DSE: variants seen among roughly 807,000 people sequenced by gnomAD.
DSE encodes the protein dermatan sulfate epimerase, also known as dermatan-sulfate epimerase.
DSE carries 36 observed loss-of-function variants against 84.4 expected under a neutral mutation model. That is an observed-to-expected ratio of 0.43 (90% CI 0.33 to 0.56). DSE has a LOEUF of 0.56. Ranked by LOEUF, DSE falls within the 20% of genes least tolerant of loss-of-function variation. DSE has a pLI of 0.06. For synonymous variants in DSE, 410 were observed against 430.1 expected (o/e 0.95, Z 0.58); for missense variants, 862 against 1,169.6 (o/e 0.74, Z 3.84).
chr6:116,335,468 C>A (rs566371211), intron 2 of DSE, among the ~76,000 whole-genome samples: 235 of 152,276 alleles, frequency 1.5e-3, no homozygotes, highest in Middle Eastern at 3.4e-3. Flanking sequence ...GTACAACAAA[C>A]CCCCATGACA....
At position 116,259,311 on chromosome 6, in the gene DSE, C is replaced by T. The variant is rs1582902080; in HGVS notation, c.-54+344C>T. ...ATGATAAATTAGTTAAATGGTTATA[C>T]CTGTAGACTTACCAGTGTATGAAAC... On this transcript the variant is annotated intron_variant, in intron 2 of 3. Coordinates refer to the DSE transcript ENST00000430252. 3 of 500,666 alleles carry T rather than the reference C, an allele frequency of 6.0e-6. No individual in the cohort carries two copies. The South Asian group carries it at 6.7e-5, about 11-fold the overall frequency. The allele number at this position is 500,666 out of a possible 1,614,324, so 31.0% of individuals were successfully genotyped here.
At chr6:116,317,013 A>G (rs1413182088) in intron 2 of DSE, among the ~76,000 whole-genome samples, 1 of 152,136 alleles carries the variant, frequency 6.6e-6, no homozygotes, top group African/African-American at 2.4e-5. Context: ...GTGAGAAAAA[A>G]AATGTGAAGG....
chr6:116,436,901 G>A lies in DSE; in HGVS notation c.2433G>A (p.Arg811=), dbSNP rs766690715. ...AAAGCAAGTCAAAGAAAAACCGAAG[G>A]GCAGGCAAACGCTATAAATTTGTGG... ...QQQSKSKKNR[R]AGKRYKFVDA... is the part of the protein sequence containing the mutation. Residue 811 remains arginine, a synonymous_variant, in exon 6 of 6, where the codon AGG becomes AGA. Transcript: ENST00000644252. 1 of 1,614,024 alleles carries A rather than the reference G, an allele frequency of 6.2e-7. No individual in the cohort carries two copies. Among genetic ancestry groups the A allele is most frequent in the African/African-American group, 1.3e-5 (1 of 74,992 alleles).
intron 2 of DSE, among the ~76,000 whole-genome samples, chr6:116,329,654 A>G (rs1776821765): frequency 6.6e-6 from 1 of 152,230 alleles, no homozygotes; most frequent in Middle Eastern, 3.2e-3. Context: ...ATGTTCTTCA[A>G]TCAACTATGA....
intron 2 of DSE, among the ~76,000 whole-genome samples, chr6:116,348,754 A>T (rs1349626031): frequency 6.6e-6 from 1 of 152,262 alleles, no homozygotes; most frequent in Non-Finnish European, 1.5e-5. Flanking sequence ...GACTGGATTA[A>T]GAACATGTGG....
intron 2 of DSE, among the ~76,000 whole-genome samples, chr6:116,409,453 ATT>A (rs34479513): frequency 3.3e-5 from 5 of 151,692 alleles, no homozygotes; most frequent in East Asian, 1.9e-4. Context: ...AATTTTTTGT[ATT>A]TTTTTAGTAG....
intron 2 of DSE, among the ~76,000 whole-genome samples, chr6:116,346,243 G>C (rs1777958611): frequency 6.6e-6 from 1 of 152,200 alleles, no homozygotes; most frequent in African/African-American, 2.4e-5. Flanking sequence ...AATAGAAAAA[G>C]TGGGAGTCCT....
intron 2 of DSE, among the ~76,000 whole-genome samples, chr6:116,312,526 G>A (rs1775750045): frequency 6.6e-6 from 1 of 152,078 alleles, no homozygotes; most frequent in South Asian, 2.1e-4. Flanking sequence ...AAGAGGTCCA[G>A]GTATAGGAGG....
intron 2 of DSE, 89 bp downstream of exon 2, chr6:116,399,755 G>A (rs1781483561): frequency 2.3e-6 from 3 of 1,284,842 alleles, no homozygotes; most frequent in Non-Finnish European, 3.2e-6. Flanking sequence ...AGATCTTCAT[G>A]TACCTCTTTG....
intron 2 of DSE, among the ~76,000 whole-genome samples, chr6:116,326,787 G>C (rs1406523651): frequency 6.6e-6 from 1 of 152,224 alleles, no homozygotes; most frequent in Non-Finnish European, 1.5e-5. Context: ...AGGTGAAATA[G>C]TATGTAAGGG....
intron 2 of DSE, among the ~76,000 whole-genome samples, chr6:116,409,472 G>T (rs886833650): frequency 2.6e-5 from 4 of 151,972 alleles, no homozygotes; most frequent in Non-Finnish European, 5.9e-5. Context: ...GTAGAGACGG[G>T]GTTTCACCAT....
intron 2 of DSE, among the ~76,000 whole-genome samples, chr6:116,273,834 G>GTTTTTTTTTTTTTTTTTTTTTTTTT (rs35845513): frequency 7.3e-6 from 1 of 136,944 alleles, no homozygotes. Flanking sequence ...ATGTTTTTTT[G>GTTTTTTTTTTTTTTTTTTTTTTTTT]TTTTTTTTTT....
rs905843015 is a variant in DSE, at chr6:116,333,173, G to A, written c.-53-66025G>A. On this transcript the variant is annotated intron_variant, in intron 2 of 3. Coordinates refer to the DSE transcript ENST00000430252. ...ATAAATTCATGCATCCCAGTGGAAA[G>A]CACTGACCTATTTTTTGTCTTGTCT... Among the ~76,000 whole-genome samples the A allele has an allele frequency of 2.0e-4, 31 of 152,294 alleles. 1 individual carries two copies. The highest frequency in any genetic ancestry group is 6.5e-4 in the African/African-American group (27 of 41,562).
At chr6:116,434,783 T>G (rs1052063881) in intron 5 of DSE, among the ~76,000 whole-genome samples, 1 of 152,194 alleles carries the variant, frequency 6.6e-6, no homozygotes, top group Non-Finnish European at 1.5e-5. Flanking sequence ...GAACAACAGA[T>G]GAAACAGTCA....
intron 1 of DSE, among the ~76,000 whole-genome samples, chr6:116,395,650 G>A (rs1012581573): frequency 6.6e-6 from 1 of 152,050 alleles, no homozygotes; most frequent in Non-Finnish European, 1.5e-5. Flanking sequence ...GTTTGATGTG[G>A]TATAGTTTTT....
At chr6:116,396,046 T>C (rs1267517354) in intron 1 of DSE, among the ~76,000 whole-genome samples, 1 of 152,224 alleles carries the variant, frequency 6.6e-6, no homozygotes, top group Non-Finnish European at 1.5e-5. Context: ...GGACTTTTTT[T>C]CTGGAAAGTT....
chr6:116,362,623 A>G (rs1480481274), intron 2 of DSE, among the ~76,000 whole-genome samples: 1 of 152,194 alleles, frequency 6.6e-6, no homozygotes, highest in African/African-American at 2.4e-5. Context: ...AGCCTCCAGC[A>G]CCGTGAGAAA....
chr6:116,259,799 G>A (rs1020713119), intron 2 of DSE, among the ~76,000 whole-genome samples: 1 of 152,170 alleles, frequency 6.6e-6, no homozygotes, highest in African/African-American at 2.4e-5. Flanking sequence ...CTCCATCCAT[G>A]TTCCTGCAAA....
At chr6:116,426,491 G>T in intron 2 of DSE, 83 bp from the exon 3 acceptor site, 1 of 1,541,568 alleles carries the variant, frequency 6.5e-7, no homozygotes, top group Non-Finnish European at 8.8e-7. Flanking sequence ...GTGCCCTTTA[G>T]TTCTGAGAAA....
Sources: allele counts gnomAD v4.1 joint callset (sites outside exome capture counted in the v4.1 genomes callset), GRCh38; gene constraint gnomAD v4.1.1; transcripts MANE v1.5; gene names NCBI Gene and HGNC (gene_info 2026-07-23, HGNC 2026-07-21).